RANBP2: variants seen among roughly 807,000 people sequenced by gnomAD.
RANBP2 encodes RAN binding protein 2, also known as E3 SUMO-protein ligase RanBP2.
RANBP2 carries 57 observed loss-of-function variants against 303.6 expected under a neutral mutation model. The ratio of observed to expected loss-of-function variants is 0.19; its 90% CI spans 0.15 to 0.23. The LOEUF is 0.23. Among genes scored for constraint, RANBP2 ranks in the 10% least tolerant of loss-of-function variants. The pLI is 1.00. For missense variants in RANBP2, 3,138 were observed against 3,780.8 expected (o/e 0.83, Z 4.46); for synonymous variants, 1,167 against 1,301.5 (o/e 0.90, Z 2.23).
the RANBP2 span, among the ~76,000 whole-genome samples, chr2:109,737,968 A>G: frequency 6.6e-6 from 1 of 152,146 alleles, no homozygotes; most frequent in East Asian, 1.9e-4. Flanking sequence ...TTCTTTGTTT[A>G]TTCTGGATAT....
the RANBP2 span, among the ~76,000 whole-genome samples, chr2:109,587,844 T>C: frequency 6.8e-6 from 1 of 147,134 alleles, no homozygotes. Context: ...ACCTGGGAGG[T>C]GGAGGTTGCA....
chr2:109,520,504 G>A, the RANBP2 span, among the ~76,000 whole-genome samples: 1 of 149,790 alleles, frequency 6.7e-6, no homozygotes, highest in Non-Finnish European at 1.5e-5. Context: ...GAAGGTTGAG[G>A]CAGAAGAATC....
At chr2:109,371,550 C>T in the RANBP2 span, 294 of 1,572,856 alleles carry the variant, frequency 1.9e-4, no homozygotes, top group Admixed American at 6.0e-4. Flanking sequence ...TGTGTGTGTC[C>T]GTATGCTTGT....
the RANBP2 span, among the ~76,000 whole-genome samples, chr2:109,674,848 A>T: frequency 6.6e-6 from 1 of 152,164 alleles, no homozygotes; most frequent in Admixed American, 6.5e-5. Context: ...TTTCTTCCAT[A>T]GTGTAGCTTT....
the RANBP2 span, among the ~76,000 whole-genome samples, chr2:109,295,447 G>A: frequency 7.9e-5 from 12 of 152,366 alleles, no homozygotes; most frequent in East Asian, 2.3e-3. Flanking sequence ...CGAGGGGCAC[G>A]CAGGGCAGGG....
the RANBP2 span, among the ~76,000 whole-genome samples, chr2:109,136,813 G>A: frequency 1.3e-5 from 2 of 152,316 alleles, no homozygotes; most frequent in South Asian, 4.1e-4. Context: ...TCAGGAGGAG[G>A]TGTGAGAGAA....
the RANBP2 span, chr2:109,129,122 G>A: frequency 1.1e-5 from 4 of 357,524 alleles, no homozygotes; most frequent in Non-Finnish European, 2.1e-5. Context: ...TGCACGCCGC[G>A]CCCCGGCCTC....
the RANBP2 span, among the ~76,000 whole-genome samples, chr2:109,204,014 C>T: frequency 1.3e-3 from 204 of 152,246 alleles, 1 homozygote; most frequent in Non-Finnish European, 1.4e-3. Context: ...TGTGAAAACC[C>T]GAGTAGTTTA....
the RANBP2 span, among the ~76,000 whole-genome samples, chr2:109,669,712 C>A: frequency 6.6e-6 from 1 of 152,204 alleles, no homozygotes. Flanking sequence ...TGACAACCCT[C>A]ACCGCCTCTG....
At chr2:109,648,706 T>G in the RANBP2 span, among the ~76,000 whole-genome samples, 4 of 148,466 alleles carry the variant, frequency 2.7e-5, no homozygotes, top group Non-Finnish European at 5.9e-5. Context: ...CAGGCTGGAG[T>G]GCAGTGGCGT....
At chr2:109,240,535 G>C in the RANBP2 span, among the ~76,000 whole-genome samples, 2 of 152,134 alleles carry the variant, frequency 1.3e-5, no homozygotes, top group African/African-American at 4.8e-5. Context: ...GGTTGGGCTT[G>C]ATGGTCCCTA....
chr2:109,177,996 C>G, the RANBP2 span, among the ~76,000 whole-genome samples: 135 of 152,286 alleles, frequency 8.9e-4, no homozygotes, highest in Non-Finnish European at 1.7e-3. Flanking sequence ...GAAAATTAGA[C>G]CTAAACAAAG....
At chr2:108,848,409 T>C in the RANBP2 span, among the ~76,000 whole-genome samples, 2 of 152,166 alleles carry the variant, frequency 1.3e-5, no homozygotes, top group East Asian at 3.8e-4. Flanking sequence ...TTGTGGAGAC[T>C]CTGTATTAAT....
At chr2:108,862,340 T>C in the RANBP2 span, among the ~76,000 whole-genome samples, 1 of 152,166 alleles carries the variant, frequency 6.6e-6, no homozygotes, top group Admixed American at 6.5e-5. Flanking sequence ...TTTACAGTGC[T>C]CTAGGGAATG....
chr2:109,241,146 A>G, the RANBP2 span, among the ~76,000 whole-genome samples: 4 of 152,260 alleles, frequency 2.6e-5, no homozygotes, highest in Non-Finnish European at 5.9e-5. Context: ...TCGACAGTCA[A>G]TGATGACAAG....
chr2:108,942,291 C>A, the RANBP2 span, among the ~76,000 whole-genome samples: 1 of 152,206 alleles, frequency 6.6e-6, no homozygotes, highest in African/African-American at 2.4e-5. Context: ...GTGGGAGAGC[C>A]GAGGCACAAT....
At chr2:109,604,427 AAG>A in the RANBP2 span, among the ~76,000 whole-genome samples, 1 of 134,206 alleles carries the variant, frequency 7.5e-6, no homozygotes, top group Non-Finnish European at 1.6e-5. Context: ...AGAAAAAAGA[AAG>A]AAAGAAAAGA....
At chr2:109,323,528 T>C in the RANBP2 span, among the ~76,000 whole-genome samples, 2 of 152,324 alleles carry the variant, frequency 1.3e-5, no homozygotes, top group East Asian at 3.9e-4. Flanking sequence ...AGGAAGAATA[T>C]TGTAGGTAGT....
the RANBP2 span, among the ~76,000 whole-genome samples, chr2:109,483,672 C>T: frequency 1.3e-5 from 2 of 152,224 alleles, no homozygotes; most frequent in Admixed American, 6.5e-5. Context: ...GCTGGACACA[C>T]AAAGGAGTCC....
Sources: allele counts gnomAD v4.1 joint callset (sites outside exome capture counted in the v4.1 genomes callset), GRCh38; gene constraint gnomAD v4.1.1; transcripts MANE v1.5; gene names NCBI Gene and HGNC (gene_info 2026-07-23, HGNC 2026-07-21).